COL11A1: variants seen among roughly 807,000 people sequenced by gnomAD.
COL11A1 encodes the protein collagen type XI alpha 1 chain.
COL11A1 carries 74 observed loss-of-function variants against 265.2 expected under a neutral mutation model. The observed-to-expected ratio is 0.28, with a 90% CI of 0.23 to 0.34. The LOEUF (loss-of-function observed/expected upper bound fraction) is 0.34. Among genes scored for constraint, COL11A1 ranks in the 10% least tolerant of loss-of-function variants. The pLI is 1.00. For missense variants in COL11A1, 2,165 were observed against 2,263.6 expected (o/e 0.96, Z 0.88); for synonymous variants, 816 against 727.6 (o/e 1.12, Z -1.96).
chr1:103,065,344 C>A (rs971351518), intron 4 of COL11A1, among the ~76,000 whole-genome samples: 7 of 151,770 alleles, frequency 4.6e-5, no homozygotes, highest in African/African-American at 1.7e-4. Context: ...CACGGTGAAA[C>A]CCCGTCTCTA....
chr1:102,930,269 A>G lies in COL11A1; in HGVS notation c.3600+4180T>C, dbSNP rs1177553085. 1.1e-4 allele frequency among the ~76,000 whole-genome samples: 16 copies of G among 151,852 alleles called. No homozygotes were observed. In the South Asian group the frequency reaches 2.7e-3, roughly 26 times the overall value. ...TTATTATTTTGAAATACGTCCCATC[A>G]ATACCTAATTTATTGAGAGTTTTTA... On this transcript the variant is annotated intron_variant, in intron 46 of 66. Coordinates refer to ENST00000370096, the MANE Select transcript of COL11A1 (RefSeq NM_001854.4).
rs1667219912 is a variant in COL11A1 at position 103,022,938 on chromosome 1, G to A, written c.1049C>T (p.Ser350Phe). The change falls in exon 8 of 67, where the codon TCC (serine) becomes TTC (phenylalanine). Residue 350 changes from serine (S) to phenylalanine (F), a missense_variant. By Grantham distance (155) the Ser-to-Phe change is radical. Coordinates refer to ENST00000370096, the MANE Select transcript of COL11A1 (RefSeq NM_001854.4). ...EEYLTGEDYDSQRKNSEDTLY... is the reference protein window; with the variant it reads ...EEYLTGEDYDFQRKNSEDTLY... ...TGTATCCTCAGAATTTTTCCTCTGG[G>A]AATCATAATCCTCTCCCGTTAGATA... 6.2e-7 allele frequency: 1 copy of A among 1,613,224 alleles called. No individual in the cohort carries two copies. Among genetic ancestry groups the A allele is most frequent in the Admixed American group, 1.7e-5 (1 of 59,980 alleles).
In COL11A1 at chr1:102,961,907, G is replaced by A. The variant is rs766137600; in HGVS notation, c.3127C>T (p.Leu1043=). The part of the protein sequence containing the change: ...GLPGAQGAPG[L]KGGEGPQGPP... ...CCCTGGGGACCTTCCCCTCCTTTCA[G>A]TCCAGGTGCACCCTGGGAAAAGTGA... The change falls in exon 41 of 67, where the codon CTG becomes TTG. Residue 1043 remains leucine, a synonymous_variant. Transcript: ENST00000370096. 12 of 1,612,950 alleles carry A rather than the reference G, an allele frequency of 7.4e-6. No individual in the cohort carries two copies. Among genetic ancestry groups the A allele is most frequent in the Non-Finnish European group, 1.0e-5 (12 of 1,179,638 alleles).
At chr1:103,060,527 T>G (rs1670591779) in intron 4 of COL11A1, among the ~76,000 whole-genome samples, 1 of 152,178 alleles carries the variant, frequency 6.6e-6, no homozygotes, top group Admixed American at 6.5e-5. Context: ...TATATGCTTA[T>G]GTATAAGTAA....
chr1:102,898,827 A>G, intron 55 of COL11A1, 54 bp from the exon 56 acceptor site: 1 of 1,525,144 alleles, frequency 6.6e-7, no homozygotes, highest in Non-Finnish European at 9.0e-7. Context: ...TACTTTTATT[A>G]TTTTATTAAA....
At chr1:102,894,111 A>C (rs1353942848) in intron 57 of COL11A1, among the ~76,000 whole-genome samples, 1 of 152,214 alleles carries the variant, frequency 6.6e-6, no homozygotes, top group African/African-American at 2.4e-5. Flanking sequence ...ATAAAACCTT[A>C]AAGCTAAGAC....
At chr1:102,910,559 G>T (rs747583167) in intron 54 of COL11A1, among the ~76,000 whole-genome samples, 2 of 151,938 alleles carry the variant, frequency 1.3e-5, no homozygotes, top group Non-Finnish European at 2.9e-5. Flanking sequence ...TAATTTCCTT[G>T]CTTATATTAA....
At chr1:103,025,931 T>A (rs766190836) in intron 6 of COL11A1, 4 of 1,612,390 alleles carry the variant, frequency 2.5e-6, no homozygotes, top group Non-Finnish European at 3.4e-6. Flanking sequence ...CTCATCTTCT[T>A]TTTGAAATTG....
chr1:103,107,998 T>A, intron 1 of COL11A1, 75 bp downstream of exon 1: 1 of 1,026,954 alleles, frequency 9.7e-7, no homozygotes. Context: ...GGAGGAAGGG[T>A]AAAGTGGGGG....
At chr1:102,950,008 G>A (rs1453532200) in intron 41 of COL11A1, among the ~76,000 whole-genome samples, 1 of 152,132 alleles carries the variant, frequency 6.6e-6, no homozygotes, top group Admixed American at 6.5e-5. Flanking sequence ...TAGAATCTCT[G>A]CTCTTGGCTG....
At position 102,967,218 on chromosome 1, in the gene COL11A1, T is replaced by G. The variant is rs947034791; in HGVS notation, c.2863-1678A>C. Among the ~76,000 whole-genome samples, 219 of 119,504 alleles carry G rather than the reference T, an allele frequency of 1.8e-3. 1 individual carries two copies. The highest frequency in any genetic ancestry group is 6.1e-3 in the African/African-American group (205 of 33,662). The allele number at this position is 119,504 out of a possible 152,430, so 78.4% of individuals were successfully genotyped here. The stretch of plus-strand genomic sequence containing the variant: ...GAATCATCACCCACAAAACCAAACA[T>G]AATAAATTCTTTTTTTTTTTTTTTT... On this transcript the variant is annotated intron_variant, in intron 37 of 66. Coordinates refer to ENST00000370096, the MANE Select transcript of COL11A1 (RefSeq NM_001854.4).
intron 54 of COL11A1, among the ~76,000 whole-genome samples, chr1:102,909,555 T>G (rs1172789715): frequency 6.6e-6 from 1 of 152,088 alleles, no homozygotes; most frequent in Non-Finnish European, 1.5e-5. Context: ...TAACTGATTA[T>G]TTCTAATATA....
At chr1:102,927,800 C>T (rs577264816) in intron 46 of COL11A1, among the ~76,000 whole-genome samples, 2 of 152,258 alleles carry the variant, frequency 1.3e-5, no homozygotes, top group South Asian at 2.1e-4. Context: ...ATTCAAATTA[C>T]AATTTTAAAA....
chr1:102,987,254 A>AT (rs1663659538), intron 30 of COL11A1, among the ~76,000 whole-genome samples: 1 of 22,420 alleles, frequency 4.5e-5, no homozygotes, highest in Non-Finnish European at 2.0e-4. Context: ...TACATGTAGG[A>AT]TATATATATA....
chr1:102,999,636 A>T (rs933685298), intron 24 of COL11A1, among the ~76,000 whole-genome samples: 1 of 151,796 alleles, frequency 6.6e-6, no homozygotes, highest in South Asian at 2.1e-4. Flanking sequence ...TTTATGAAAT[A>T]TTTTTACCAA....
At chr1:103,053,968 C>T (rs901170693) in intron 4 of COL11A1, among the ~76,000 whole-genome samples, 10 of 152,116 alleles carry the variant, frequency 6.6e-5, no homozygotes, top group Non-Finnish European at 8.8e-5. Flanking sequence ...TTTGTGAATG[C>T]AGTGAGGCTT....
Position 103,094,992 on chromosome 1 carries a change from T to C in COL11A1, c.107-12020A>G, listed in dbSNP as rs200536237. 4.6e-5 allele frequency among the ~76,000 whole-genome samples: 7 copies of C among 152,222 alleles called. No individual in the cohort carries two copies. In the East Asian group the frequency reaches 1.4e-3, roughly 29 times the overall value. ...TTCTAGGTAGCCATCACCATGGCTC[T>C]CTTAAACCAACAAAACAAAGTACAA... is the stretch of plus-strand genomic sequence containing the variant. On this transcript the variant is annotated intron_variant, in intron 1 of 66. Coordinates refer to ENST00000370096, the MANE Select transcript of COL11A1 (RefSeq NM_001854.4).
In COL11A1 at chr1:102,917,001, A is replaced by T. The variant is rs544002436; in HGVS notation, c.3763-1317T>A. Reference sequence around the variant, plus strand: ...GTTAAAATATTTATTTAGAAATATGATAAGTCTATTGAGCATGTACATTGA... The same window carrying T: ...GTTAAAATATTTATTTAGAAATATGTTAAGTCTATTGAGCATGTACATTGA... On this transcript the variant is annotated intron_variant, in intron 49 of 66. Transcript: ENST00000370096. Among the ~76,000 whole-genome samples the T allele has an allele frequency of 2.5e-3, 380 of 152,010 alleles. 5 individuals carry two copies. The highest frequency in any genetic ancestry group is 8.9e-3 in the African/African-American group (369 of 41,548).
chr1:102,986,860 G>T (rs935795124), intron 30 of COL11A1, among the ~76,000 whole-genome samples: 1 of 151,938 alleles, frequency 6.6e-6, no homozygotes, highest in Admixed American at 6.6e-5. Context: ...AATTATCTGG[G>T]GATGTTTTAA....
Sources: gnomAD v4.1 joint callset for allele counts (sites outside exome capture counted in the v4.1 genomes callset) on GRCh38, gnomAD v4.1.1 for gene constraint, MANE v1.5 for transcripts, NCBI Gene and HGNC (gene_info 2026-07-23, HGNC 2026-07-21) for gene names.